The following ESR1 variants were observed in gnomAD, a reference collection of about 807,000 sequenced individuals.
ESR1 encodes estrogen receptor.
ESR1 carries 12 observed loss-of-function variants against 52.7 expected under a neutral mutation model. The ratio of observed to expected loss-of-function variants is 0.23; its 90% confidence interval spans 0.15 to 0.37. ESR1 has a LOEUF of 0.37. ESR1 is among the 10% of genes least tolerant of loss of function. The pLI is 1.00. For missense variants in ESR1, 584 were observed against 779.7 expected, an observed-to-expected ratio of 0.75 and a Z score of 2.99; for synonymous variants, 305 against 316.8, an observed-to-expected ratio of 0.96 and a Z score of 0.39.
chr6:152,004,407 T>C (rs375835634), intron 4 of ESR1, among the ~76,000 whole-genome samples: 1 of 151,998 alleles, frequency 6.6e-6, no homozygotes, highest in Non-Finnish European at 1.5e-5. Flanking sequence ...TTCTTAATGA[T>C]TGGTCTACAA....
At chr6:151,987,910 A>G (rs1485219563) in intron 4 of ESR1, among the ~76,000 whole-genome samples, 1 of 152,086 alleles carries the variant, frequency 6.6e-6, no homozygotes, top group African/African-American at 2.4e-5. Flanking sequence ...CCTTCCCCCA[A>G]TAAGACAAAG....
chr6:151,916,130 G>A (rs34792310), intron 3 of ESR1, among the ~76,000 whole-genome samples: 2,116 of 152,248 alleles, frequency 0.014, 18 homozygotes, highest in Middle Eastern at 0.024. Flanking sequence ...ATGAATAATG[G>A]AATTCAAATC....
intron 3 of ESR1, among the ~76,000 whole-genome samples, chr6:151,916,282 C>T (rs987332929): frequency 1.3e-5 from 2 of 152,132 alleles, no homozygotes; most frequent in African/African-American, 4.8e-5. Context: ...GAGAGCCTGG[C>T]TCTGGGGTAA....
intron 3 of ESR1, among the ~76,000 whole-genome samples, chr6:151,893,604 A>G (rs1314471924): frequency 6.6e-6 from 1 of 152,174 alleles, no homozygotes; most frequent in Non-Finnish European, 1.5e-5. Flanking sequence ...TACCCCAAAT[A>G]GTATTTCAAT....
chr6:151,725,170 A>G (rs979328543), intron 2 of ESR1, among the ~76,000 whole-genome samples: 1 of 152,230 alleles, frequency 6.6e-6, no homozygotes, highest in Non-Finnish European at 1.5e-5. Flanking sequence ...GGAATTGCAG[A>G]GTATTCTCTA....
chr6:151,703,081 C>T (rs528651799), intron 2 of ESR1, among the ~76,000 whole-genome samples: 6 of 152,236 alleles, frequency 3.9e-5, no homozygotes, highest in East Asian at 3.9e-4. Flanking sequence ...TGCCAGTGGA[C>T]GAAACCTGAC....
intron 3 of ESR1, among the ~76,000 whole-genome samples, chr6:151,927,450 T>G (rs2032928703): frequency 6.6e-6 from 1 of 152,196 alleles, no homozygotes; most frequent in South Asian, 2.1e-4. Flanking sequence ...AGAAGTAATC[T>G]TGCCACCACC....
At chr6:152,120,389 C>T (rs1384259858) in intron 6 of ESR1, among the ~76,000 whole-genome samples, 1 of 152,100 alleles carries the variant, frequency 6.6e-6, no homozygotes, top group Non-Finnish European at 1.5e-5. Flanking sequence ...TCTCCAGAAG[C>T]GGGAAGATGG....
intron 1 of ESR1, among the ~76,000 whole-genome samples, chr6:151,841,598 T>C (rs1331834485): frequency 6.6e-6 from 1 of 151,430 alleles, no homozygotes; most frequent in East Asian, 1.9e-4. Context: ...TCTTCCTACA[T>C]TTTTTTTTAG....
intron 1 of ESR1, among the ~76,000 whole-genome samples, chr6:151,837,564 CT>C (rs1243849706): frequency 1.3e-5 from 2 of 152,086 alleles, no homozygotes; most frequent in Non-Finnish European, 2.9e-5. Context: ...CTTTTTTCTG[CT>C]ATTCTTCATT....
intron 3 of ESR1, among the ~76,000 whole-genome samples, chr6:151,939,130 T>C (rs1163111569): frequency 6.6e-6 from 1 of 152,234 alleles, no homozygotes; most frequent in Admixed American, 6.5e-5. Flanking sequence ...GGCATGTTCA[T>C]GTATGAATGA....
intron 5 of ESR1, among the ~76,000 whole-genome samples, chr6:152,055,052 T>C (rs538914778): frequency 6.6e-6 from 1 of 152,330 alleles, no homozygotes; most frequent in South Asian, 2.1e-4. Flanking sequence ...CCATTGTACA[T>C]ATATTCCATA....
At chr6:151,673,020 G>A (rs1432837806) in intron 1 of ESR1, among the ~76,000 whole-genome samples, 1 of 151,010 alleles carries the variant, frequency 6.6e-6, no homozygotes, top group East Asian at 2.0e-4. Context: ...TTAGTACAGA[G>A]TTTCACCGTA....
chr6:151,716,923 G>C (rs1445857997), intron 2 of ESR1, among the ~76,000 whole-genome samples: 1 of 152,178 alleles, frequency 6.6e-6, no homozygotes, highest in East Asian at 1.9e-4. Flanking sequence ...TGACCAAATG[G>C]CTGCCCAGTT....
intron 5 of ESR1, among the ~76,000 whole-genome samples, chr6:152,031,961 C>T (rs2044755099): frequency 6.6e-6 from 1 of 152,182 alleles, no homozygotes; most frequent in South Asian, 2.1e-4. Context: ...TGGGCTTCAT[C>T]CCTGGGATGC....
intron 2 of ESR1, among the ~76,000 whole-genome samples, chr6:151,782,654 A>G (rs555946350): frequency 3.8e-4 from 58 of 152,280 alleles, no homozygotes; most frequent in African/African-American, 1.3e-3. Context: ...GCACATTTTA[A>G]CATTCCTCAT....
chr6:151,914,667 C>T (rs1798772480), intron 3 of ESR1, among the ~76,000 whole-genome samples: 1 of 152,142 alleles, frequency 6.6e-6, no homozygotes, highest in Non-Finnish European at 1.5e-5. Flanking sequence ...TTGTCAGTCC[C>T]TAGTGACATG....
At chr6:151,781,086 C>A (rs1258881976) in intron 2 of ESR1, among the ~76,000 whole-genome samples, 1 of 152,054 alleles carries the variant, frequency 6.6e-6, no homozygotes, top group Non-Finnish European at 1.5e-5. Flanking sequence ...AGTGGAAGAA[C>A]CCTTGAAGAT....
intron 3 of ESR1, 64 bp downstream of exon 3, chr6:151,880,835 C>T (rs1792780370): frequency 2.4e-6 from 2 of 835,332 alleles, no homozygotes; most frequent in East Asian, 2.4e-5. Flanking sequence ...GCTGGCTCTA[C>T]CCATTGGAAT....
Sources: allele counts gnomAD v4.1 joint callset (sites outside exome capture counted in the v4.1 genomes callset), GRCh38; gene constraint gnomAD v4.1.1; transcripts MANE v1.5; gene names NCBI Gene and HGNC (gene_info 2026-07-23, HGNC 2026-07-21).